Variants in MOXD1 observed in about 807,000 individuals in gnomAD.
MOXD1 encodes monooxygenase DBH like 1, also known as DBH-like monooxygenase protein 1.
Under a neutral mutation model 66.6 loss-of-function variants are expected in MOXD1, and 62 were observed. The observed-to-expected ratio is 0.93, with a 90% CI of 0.76 to 1.15. MOXD1 has a LOEUF of 1.15. Among genes scored for constraint, MOXD1 ranks in the 50% most tolerant of loss-of-function variants. MOXD1 has a pLI of 0.00. For missense variants in MOXD1, 847 were observed against 754.6 expected (o/e 1.12, Z -1.44); for synonymous variants, 303 against 281.9 (o/e 1.07, Z -0.75).
At chr6:132,300,490 A>G (rs947013091) in intron 10 of MOXD1, among the ~76,000 whole-genome samples, 13 of 152,328 alleles carry the variant, frequency 8.5e-5, no homozygotes, top group Admixed American at 7.2e-4. Flanking sequence ...GCTAGGGGAA[A>G]ATCATCAGTC....
intron 1 of MOXD1, among the ~76,000 whole-genome samples, chr6:132,387,810 T>A (rs1378637015): frequency 6.9e-6 from 1 of 144,176 alleles, no homozygotes; most frequent in Admixed American, 7.0e-5. Flanking sequence ...TTTAGGATTA[T>A]AACTAATTCA....
intron 10 of MOXD1, among the ~76,000 whole-genome samples, chr6:132,299,268 C>T (rs1269796869): frequency 1.3e-5 from 2 of 151,538 alleles, no homozygotes; most frequent in Non-Finnish European, 2.9e-5. Flanking sequence ...ACACTGGGAA[C>T]TACTAGAGAG....
chr6:132,396,570 A>G (rs1427194048), intron 1 of MOXD1, among the ~76,000 whole-genome samples: 1 of 151,904 alleles, frequency 6.6e-6, no homozygotes, highest in Non-Finnish European at 1.5e-5. Flanking sequence ...AAAAAAATAC[A>G]AAGGATCAAT....
intron 4 of MOXD1, among the ~76,000 whole-genome samples, chr6:132,356,700 G>A (rs1775916302): frequency 6.6e-6 from 1 of 152,038 alleles, no homozygotes; most frequent in Admixed American, 6.5e-5. Flanking sequence ...AAAATAATGT[G>A]TTATAATATT....
chr6:132,381,572 G>T (rs145598753), intron 1 of MOXD1, among the ~76,000 whole-genome samples: 2 of 152,124 alleles, frequency 1.3e-5, no homozygotes, highest in East Asian at 3.9e-4. Context: ...GCCACTGAAA[G>T]CACAGTCAGC....
rs372424334 is a variant in MOXD1, at chr6:132,388,151, C to T, written c.264+13012G>A. Among the ~76,000 whole-genome samples the T allele has an allele frequency of 2.0e-5, 3 of 151,594 alleles. 1 individual carries two copies. In the South Asian group the frequency reaches 6.4e-4, roughly 32 times the overall value. ...TGTCTTCATGTGGTCTTCTGACCAT[C>T]GTCTCATTACACTAAGCGATTGATT... On this transcript the variant is annotated intron_variant, in intron 1 of 11. Transcript: ENST00000367963.
rs1253721404 is a variant in MOXD1, at chr6:132,298,013, TACTTTTCAGCATC to T, written c.1509-71_1509-59del. Reference sequence around the variant, plus strand: ...GAACAAATGCATTACATGTTTCCTTTACTTTTCAGCATCCTAAAATAGATCTCACACTTATTCA... The same window carrying T: ...GAACAAATGCATTACATGTTTCCTTTCTAAAATAGATCTCACACTTATTCA... On this transcript the variant is annotated intron_variant, in intron 10 of 11. Coordinates refer to ENST00000367963, the MANE Select transcript of MOXD1 (RefSeq NM_015529.4). 1.4e-5 allele frequency: 21 copies of T among 1,450,670 alleles called. No homozygotes were observed. The Admixed American group carries it at 4.7e-4, about 33-fold the overall frequency. The allele number at this position is 1,450,670 out of a possible 1,614,324, so 89.9% of individuals were successfully genotyped here.
At chr6:132,372,201 C>A (rs185525792) in intron 4 of MOXD1, among the ~76,000 whole-genome samples, 1 of 151,974 alleles carries the variant, frequency 6.6e-6, no homozygotes, top group Non-Finnish European at 1.5e-5. Context: ...TTTTTTATGA[C>A]AATATCCAGT....
intron 10 of MOXD1, among the ~76,000 whole-genome samples, chr6:132,302,064 A>G (rs184237402): frequency 7.2e-5 from 11 of 152,290 alleles, no homozygotes; most frequent in Non-Finnish European, 1.5e-4. Flanking sequence ...AAAAATTTGT[A>G]TAAGGATCCT....
chr6:132,355,412 A>G (rs1025939876), intron 4 of MOXD1, among the ~76,000 whole-genome samples: 3 of 152,098 alleles, frequency 2.0e-5, no homozygotes, highest in African/African-American at 4.8e-5. Context: ...CACAAACTAG[A>G]CCTTCAGGGG....
intron 4 of MOXD1, among the ~76,000 whole-genome samples, chr6:132,343,886 T>C (rs1775614552): frequency 6.6e-6 from 1 of 152,120 alleles, no homozygotes; most frequent in East Asian, 1.9e-4. Context: ...AAAGGTACTG[T>C]CAAATATTAA....
intron 10 of MOXD1, among the ~76,000 whole-genome samples, chr6:132,300,866 C>A (rs1028777657): frequency 6.6e-6 from 1 of 152,148 alleles, no homozygotes; most frequent in Non-Finnish European, 1.5e-5. Context: ...TCCACTCCCA[C>A]TAACTTGGTT....
At chr6:132,363,884 A>G (rs1183906445) in intron 4 of MOXD1, among the ~76,000 whole-genome samples, 1 of 151,764 alleles carries the variant, frequency 6.6e-6, no homozygotes, top group Non-Finnish European at 1.5e-5. Context: ...TAAATATCTT[A>G]GTATTCTTTC....
intron 1 of MOXD1, among the ~76,000 whole-genome samples, chr6:132,375,762 A>G (rs1562296901): frequency 6.6e-6 from 1 of 152,162 alleles, no homozygotes; most frequent in Non-Finnish European, 1.5e-5. Flanking sequence ...TGCAGTGGAG[A>G]GAACATGGGC....
chr6:132,326,930 C>T (rs925878226), intron 6 of MOXD1, among the ~76,000 whole-genome samples: 1 of 152,160 alleles, frequency 6.6e-6, no homozygotes, highest in African/African-American at 2.4e-5. Flanking sequence ...CCAGAGTGGT[C>T]TTTTCAAAAT....
intron 10 of MOXD1, among the ~76,000 whole-genome samples, chr6:132,311,537 G>A (rs1350222874): frequency 4.6e-5 from 7 of 151,810 alleles, no homozygotes; most frequent in Admixed American, 4.6e-4. Context: ...ACAACTTGAT[G>A]ATTTTATGAT....
chr6:132,395,361 T>C (rs906319540), intron 1 of MOXD1, among the ~76,000 whole-genome samples: 1 of 151,712 alleles, frequency 6.6e-6, no homozygotes, highest in African/African-American at 2.4e-5. Flanking sequence ...ACATGAAATA[T>C]AAAAACTACT....
intron 1 of MOXD1, among the ~76,000 whole-genome samples, chr6:132,387,024 T>A (rs3861470): frequency 6.6e-6 from 1 of 150,726 alleles, no homozygotes; most frequent in African/African-American, 2.4e-5. Context: ...GCTGTTTTTT[T>A]TTCCTCAGGT....
chr6:132,331,431 T>C (rs1582575987), intron 4 of MOXD1, among the ~76,000 whole-genome samples: 1 of 152,186 alleles, frequency 6.6e-6, no homozygotes, highest in East Asian at 1.9e-4. Context: ...TGTGTGATGC[T>C]GGGTGGTGCT....
Sources: allele counts gnomAD v4.1 joint callset (sites outside exome capture counted in the v4.1 genomes callset), GRCh38; gene constraint gnomAD v4.1.1; transcripts MANE v1.5; gene names NCBI Gene and HGNC (gene_info 2026-07-23, HGNC 2026-07-21).